The following ARHGAP31 variants were observed in gnomAD, a reference collection of about 807,000 sequenced individuals.
ARHGAP31 encodes rho GTPase-activating protein 31.
Under a neutral mutation model 113.9 loss-of-function variants are expected in ARHGAP31, and 34 were observed. That is an observed-to-expected ratio of 0.30 (90% CI 0.23 to 0.40). ARHGAP31 has a LOEUF of 0.40. ARHGAP31 is among the 10% of genes least tolerant of loss of function. The pLI is 1.00. For missense variants in ARHGAP31, 1,548 were observed against 1,767.1 expected (o/e 0.88, Z 2.22); for synonymous variants, 650 against 684.8 (o/e 0.95, Z 0.79).
intron 1 of ARHGAP31, among the ~76,000 whole-genome samples, chr3:119,331,725 A>G (rs542566708): frequency 6.6e-6 from 1 of 152,226 alleles, no homozygotes; most frequent in Admixed American, 6.5e-5. Context: ...TTGATAAAAT[A>G]TGATTTAACA....
intron 1 of ARHGAP31, 91 bp downstream of exon 1, chr3:119,295,095 C>G: frequency 5.0e-6 from 6 of 1,192,144 alleles, no homozygotes; most frequent in Non-Finnish European, 7.5e-6. Flanking sequence ...AGTCGGTTCA[C>G]AAGTTAATGT....
chr3:119,399,527 A>C (rs116811521), intron 9 of ARHGAP31, among the ~76,000 whole-genome samples: 3 of 152,230 alleles, frequency 2.0e-5, no homozygotes, highest in Admixed American at 6.5e-5. Context: ...GCTACTTTTC[A>C]TTCAAACCTG....
At chr3:119,361,374 C>CTTTT (rs555396093) in intron 1 of ARHGAP31, among the ~76,000 whole-genome samples, 4,122 of 132,258 alleles carry the variant, frequency 0.031, 106 homozygotes, top group East Asian at 0.099. Context: ...TTCAACATTC[C>CTTTT]TTTTTTTTTT....
intron 1 of ARHGAP31, among the ~76,000 whole-genome samples, chr3:119,331,188 C>T (rs186133504): frequency 1.3e-5 from 2 of 152,290 alleles, no homozygotes; most frequent in East Asian, 3.9e-4. Flanking sequence ...AAATCTGCCC[C>T]AGGGTCCCCA....
Position 119,416,167 on chromosome 3 carries a change from A to G in ARHGAP31, c.4238A>G (p.Lys1413Arg), listed in dbSNP as rs746833632. The change falls in exon 12 of 12, where the codon AAG becomes AGG. Residue 1413 changes from lysine (K) to arginine (R), a missense_variant. Lys to Arg is a conservative substitution (Grantham distance 26). Transcript: ENST00000264245. Reference protein sequence around the residue: ...VTLRNKMTIPKNGQRLETSTS... With the variant: ...VTLRNKMTIPRNGQRLETSTS... ...CTTAGGAATAAAATGACCATCCCTAAGAATGGCCAGAGACTAGAGACCTCA... is the reference window on the plus strand; with the variant it reads ...CTTAGGAATAAAATGACCATCCCTAGGAATGGCCAGAGACTAGAGACCTCA... The G allele has an allele frequency of 6.2e-6, 10 of 1,614,230 alleles. No homozygotes were observed. In the South Asian group the frequency reaches 1.1e-4, roughly 18 times the overall value.
intron 10 of ARHGAP31, among the ~76,000 whole-genome samples, chr3:119,405,138 G>A (rs1202766906): frequency 6.6e-6 from 1 of 152,096 alleles, no homozygotes; most frequent in African/African-American, 2.4e-5. Flanking sequence ...TTCTATTTTA[G>A]TGCATCTGAA....
intron 1 of ARHGAP31, among the ~76,000 whole-genome samples, chr3:119,341,626 T>C (rs955770149): frequency 7.9e-5 from 12 of 152,158 alleles, no homozygotes; most frequent in Non-Finnish European, 4.4e-5. Context: ...ACAGTATGAC[T>C]CCTATCTTCT....
intron 1 of ARHGAP31, among the ~76,000 whole-genome samples, chr3:119,361,267 C>A (rs1330335260): frequency 2.0e-5 from 3 of 152,156 alleles, no homozygotes; most frequent in Non-Finnish European, 2.9e-5. Flanking sequence ...CTACCACCTG[C>A]CTCCCTACTG....
intron 1 of ARHGAP31, among the ~76,000 whole-genome samples, chr3:119,323,125 G>T (rs140692721): frequency 5.9e-5 from 9 of 152,224 alleles, no homozygotes; most frequent in African/African-American, 1.9e-4. Flanking sequence ...CCGCCCAGCG[G>T]TTTCTGATCC....
chr3:119,313,642 G>T (rs1320119507), intron 1 of ARHGAP31, among the ~76,000 whole-genome samples: 16 of 152,186 alleles, frequency 1.1e-4, no homozygotes, highest in African/African-American at 3.4e-4. Flanking sequence ...TTAGGCCCTG[G>T]AGTAAAGCTG....
At chr3:119,344,039 G>C (rs946422069) in intron 1 of ARHGAP31, among the ~76,000 whole-genome samples, 2 of 125,890 alleles carry the variant, frequency 1.6e-5, no homozygotes, top group African/African-American at 8.2e-5. Flanking sequence ...GAGCACTGCT[G>C]CTGGCCGGGG....
rs764455668 is a variant in ARHGAP31, at chr3:119,383,073, C to T, written c.540-11C>T. ...AACTCACTAACTGAATATGTTTCTT[C>T]CACACGGTAGGTCTAAAGAAATTGA... On this transcript the variant is annotated splice_polypyrimidine_tract_variant and intron_variant, in intron 5 of 11. Transcript: ENST00000264245. The T allele has an allele frequency of 1.9e-6, 3 of 1,613,904 alleles. No homozygotes were observed. In the African/African-American group the frequency reaches 4.0e-5, roughly 22 times the overall value.
chr3:119,369,759 C>T (rs1473729278), intron 3 of ARHGAP31, among the ~76,000 whole-genome samples: 1 of 152,098 alleles, frequency 6.6e-6, no homozygotes, highest in East Asian at 1.9e-4. Flanking sequence ...AAAAGACTAA[C>T]AACTGTTCAT....
intron 1 of ARHGAP31, among the ~76,000 whole-genome samples, chr3:119,296,799 C>T (rs1314683068): frequency 6.6e-6 from 1 of 152,116 alleles, no homozygotes; most frequent in Admixed American, 6.5e-5. Context: ...AACCAGTACC[C>T]CGGGTTCCCC....
intron 1 of ARHGAP31, chr3:119,325,097 C>A: frequency 2.7e-6 from 1 of 370,866 alleles, no homozygotes; most frequent in Non-Finnish European, 5.5e-6. Context: ...ATCTTCAAGT[C>A]ACAGAATCAC....
intron 6 of ARHGAP31, among the ~76,000 whole-genome samples, chr3:119,383,498 G>A (rs2080421405): frequency 1.3e-5 from 2 of 152,196 alleles, no homozygotes; most frequent in Admixed American, 1.3e-4. Context: ...TGAAATAGAA[G>A]TAGAATAATG....
chr3:119,307,745 T>C (rs2079643032), intron 1 of ARHGAP31, among the ~76,000 whole-genome samples: 1 of 151,978 alleles, frequency 6.6e-6, no homozygotes, highest in African/African-American at 2.4e-5. Context: ...CTAGTTTCCA[T>C]CTGTATTTCA....
chr3:119,307,940 C>CAAAAAAAA lies in ARHGAP31; in HGVS notation c.100+12949_100+12956dup, dbSNP rs71156742. On this transcript the variant is annotated intron_variant, in intron 1 of 11. Coordinates refer to ENST00000264245, the MANE Select transcript of ARHGAP31 (RefSeq NM_020754.4). ...AGTGAATCCAAGTATGAATTAACAG[C>CAAAAAAAA]AAAAAAAAAAAAAAAAAAAAGCTCA... Among the ~76,000 whole-genome samples the CAAAAAAAA allele has an allele frequency of 7.8e-3, 353 of 45,208 alleles. 22 individuals are homozygous for CAAAAAAAA. The highest frequency in any genetic ancestry group is 0.018 in the East Asian group (16 of 902). The allele number at this position is 45,208 out of a possible 152,430, so 29.7% of individuals were successfully genotyped here.
intron 1 of ARHGAP31, among the ~76,000 whole-genome samples, chr3:119,306,904 A>G (rs2079635764): frequency 6.6e-6 from 1 of 152,214 alleles, no homozygotes; most frequent in African/African-American, 2.4e-5. Flanking sequence ...TCAACACTGA[A>G]GATACATTTT....
Sources: gnomAD v4.1 joint callset for allele counts (sites outside exome capture counted in the v4.1 genomes callset) on GRCh38, gnomAD v4.1.1 for gene constraint, MANE v1.5 for transcripts, NCBI Gene and HGNC (gene_info 2026-07-23, HGNC 2026-07-21) for gene names.